EYS: variants seen among roughly 807,000 people sequenced by gnomAD.
EYS encodes protein eyes shut homolog.
In EYS, 250 loss-of-function variants were observed where a neutral mutation model predicts 282.1. That is an observed-to-expected ratio of 0.89 (90% CI 0.80 to 0.98). The LOEUF (loss-of-function observed/expected upper bound fraction) is 0.98. EYS is among the 50% of genes least tolerant of loss of function. The pLI, the probability that EYS is intolerant of heterozygous loss-of-function variation, is 0.00. For synonymous variants in EYS, 1,355 were observed against 1,282.9 expected, an observed-to-expected ratio of 1.06 and a Z score of -1.20; for missense variants, 4,016 against 3,709.0, an observed-to-expected ratio of 1.08 and a Z score of -2.15.
intron 28 of EYS, among the ~76,000 whole-genome samples, chr6:64,411,257 A>G (rs1773880679): frequency 6.6e-6 from 1 of 152,150 alleles, no homozygotes; most frequent in African/African-American, 2.4e-5. Flanking sequence ...TGATTACAAT[A>G]CAGCATCATA....
At chr6:64,068,181 T>G (rs1056641303) in intron 32 of EYS, among the ~76,000 whole-genome samples, 6 of 152,186 alleles carry the variant, frequency 3.9e-5, no homozygotes, top group African/African-American at 1.2e-4. Context: ...TTACCTATTC[T>G]GTTTATTATA....
At chr6:64,015,231 A>G (rs950824751) in intron 33 of EYS, among the ~76,000 whole-genome samples, 1 of 152,194 alleles carries the variant, frequency 6.6e-6, no homozygotes, top group Non-Finnish European at 1.5e-5. Context: ...AACATTTTGG[A>G]ATTTTTCCAG....
chr6:64,492,580 C>T (rs533891054), intron 26 of EYS, among the ~76,000 whole-genome samples: 8 of 150,994 alleles, frequency 5.3e-5, no homozygotes, highest in East Asian at 2.0e-4. Context: ...TTAGTCATGA[C>T]GAAGACAAGG....
intron 18 of EYS, among the ~76,000 whole-genome samples, chr6:64,900,585 C>G (rs567665288): frequency 2.6e-5 from 4 of 152,232 alleles, no homozygotes; most frequent in Admixed American, 2.6e-4. Flanking sequence ...TGAACACACA[C>G]TTTTCAAAAG....
chr6:65,295,773 C>T lies in EYS; in HGVS notation c.2023+90G>A. On this transcript the variant is annotated intron_variant, in intron 12 of 42. Coordinates refer to ENST00000503581, the MANE Select transcript of EYS (RefSeq NM_001142800.2). ...AGACAACAATACCAATCAATAGACA[C>T]ATTTGAGATATATTTGAGATATATC... The T allele has an allele frequency of 3.7e-6, 4 of 1,090,544 alleles. No homozygotes were observed. In the South Asian group the frequency reaches 4.6e-5, roughly 13 times the overall value. 67.6% of individuals were successfully genotyped at this position (1,090,544 alleles called of 1,614,324 possible).
At chr6:64,008,415 T>C (rs1368036664) in intron 33 of EYS, among the ~76,000 whole-genome samples, 1 of 152,176 alleles carries the variant, frequency 6.6e-6, no homozygotes, top group Non-Finnish European at 1.5e-5. Context: ...TGTTTCTTTA[T>C]CCAACTTGCT....
At chr6:64,446,986 T>TTG (rs1267794826) in intron 26 of EYS, among the ~76,000 whole-genome samples, 1 of 138,682 alleles carries the variant, frequency 7.2e-6, no homozygotes, top group Non-Finnish European at 1.6e-5. Flanking sequence ...TGTGTGTGTG[T>TTG]GGGGGGGGGG....
intron 14 of EYS, among the ~76,000 whole-genome samples, chr6:64,988,717 C>G (rs1230138254): frequency 6.6e-6 from 1 of 151,332 alleles, no homozygotes; most frequent in African/African-American, 2.4e-5. Context: ...ATAATTAAAC[C>G]CTGACAAAAT....
chr6:64,497,009 ATTC>A (rs1396361217), intron 26 of EYS, among the ~76,000 whole-genome samples: 6 of 152,108 alleles, frequency 3.9e-5, no homozygotes, highest in African/African-American at 1.4e-4. Flanking sequence ...TGATTTTATC[ATTC>A]TTCTTCACTT....
At chr6:65,319,672 T>G (rs1769416268) in intron 11 of EYS, among the ~76,000 whole-genome samples, 1 of 152,140 alleles carries the variant, frequency 6.6e-6, no homozygotes, top group Admixed American at 6.6e-5. Context: ...CAATAAGTAT[T>G]TGTTGAATCA....
chr6:64,880,955 T>C (rs900206824), intron 19 of EYS, among the ~76,000 whole-genome samples: 6 of 151,160 alleles, frequency 4.0e-5, no homozygotes, highest in Non-Finnish European at 8.9e-5. Flanking sequence ...TTTTTTTTGA[T>C]CATAGCTTTC....
chr6:65,564,786 T>C (rs1277277186), intron 2 of EYS, among the ~76,000 whole-genome samples: 1 of 151,940 alleles, frequency 6.6e-6, no homozygotes, highest in Non-Finnish European at 1.5e-5. Flanking sequence ...TGGGATCTAA[T>C]TAAACTAAAG....
intron 12 of EYS, among the ~76,000 whole-genome samples, chr6:65,134,949 T>C (rs541456745): frequency 3.9e-5 from 6 of 152,134 alleles, no homozygotes; most frequent in African/African-American, 1.4e-4. Context: ...AGAAAATCTG[T>C]GATCATATGA....
At chr6:63,756,151 A>G (rs1769477498) in intron 41 of EYS, among the ~76,000 whole-genome samples, 1 of 152,192 alleles carries the variant, frequency 6.6e-6, no homozygotes, top group South Asian at 2.1e-4. Flanking sequence ...CCTGGCCAGA[A>G]CTTCCAATAT....
intron 22 of EYS, among the ~76,000 whole-genome samples, chr6:64,797,701 AAT>A (rs1342530984): frequency 1.3e-4 from 19 of 151,956 alleles, no homozygotes; most frequent in Non-Finnish European, 2.7e-4. Context: ...ACAATGTAAA[AAT>A]ATGTTTTTAT....
intron 22 of EYS, among the ~76,000 whole-genome samples, chr6:64,797,023 TCCAG>T (rs903336444): frequency 2.6e-5 from 4 of 152,080 alleles, no homozygotes; most frequent in Non-Finnish European, 5.9e-5. Context: ...CATCCATTTC[TCCAG>T]TATACTGCGG....
chr6:65,398,620 T>G (rs998808721), intron 7 of EYS, among the ~76,000 whole-genome samples: 1 of 151,978 alleles, frequency 6.6e-6, no homozygotes, highest in African/African-American at 2.4e-5. Context: ...AGACAAAAAT[T>G]GAATATAATT....
intron 26 of EYS, among the ~76,000 whole-genome samples, chr6:64,510,739 AT>A (rs1777365666): frequency 6.6e-6 from 1 of 152,122 alleles, no homozygotes; most frequent in African/African-American, 2.4e-5. Flanking sequence ...AATTAATCAG[AT>A]TTTCAATTTT....
chr6:65,294,608 T>G (rs944704379), intron 12 of EYS, among the ~76,000 whole-genome samples: 2 of 151,852 alleles, frequency 1.3e-5, no homozygotes, highest in African/African-American at 4.8e-5. Context: ...TAATAGATGA[T>G]TCATTGATCA....
Sources: allele counts gnomAD v4.1 joint callset (sites outside exome capture counted in the v4.1 genomes callset), GRCh38; gene constraint gnomAD v4.1.1; transcripts MANE v1.5; gene names NCBI Gene and HGNC (gene_info 2026-07-23, HGNC 2026-07-21).